The following ITGA9 variants were observed in gnomAD, a reference collection of about 807,000 sequenced individuals.
The protein encoded by ITGA9 is integrin subunit alpha 9.
In ITGA9, 56 loss-of-function variants were observed where a neutral mutation model predicts 127.8. The ratio of observed to expected loss-of-function variants is 0.44; its 90% CI spans 0.35 to 0.55. The LOEUF (loss-of-function observed/expected upper bound fraction) is 0.55, where lower values mean the gene tolerates loss of function less well. Ranked by LOEUF, ITGA9 falls within the 20% of genes least tolerant of loss-of-function variation. ITGA9 has a pLI of 0.00. For synonymous variants in ITGA9, 508 were observed against 514.5 expected, an observed-to-expected ratio of 0.99 and a Z score of 0.17; for missense variants, 1,196 against 1,347.1, an observed-to-expected ratio of 0.89 and a Z score of 1.76.
chr3:37,781,019 T>G (rs1696970369), intron 25 of ITGA9, among the ~76,000 whole-genome samples: 1 of 152,256 alleles, frequency 6.6e-6, no homozygotes, highest in African/African-American at 2.4e-5. Flanking sequence ...TTCTTAGAAA[T>G]GCAGAATCCT....
At chr3:37,641,764 C>T (rs145372460) in intron 16 of ITGA9, among the ~76,000 whole-genome samples, 28 of 152,302 alleles carry the variant, frequency 1.8e-4, no homozygotes, top group Non-Finnish European at 3.7e-4. Flanking sequence ...ATTCCCACCA[C>T]CCTCAAACTT....
At chr3:37,544,812 C>G (rs1699309571) in intron 15 of ITGA9, among the ~76,000 whole-genome samples, 2 of 152,322 alleles carry the variant, frequency 1.3e-5, no homozygotes, top group South Asian at 2.1e-4. Context: ...ACACATGTCT[C>G]TGAGACCTTT....
chr3:37,661,323 C>G (rs965849779), intron 17 of ITGA9, among the ~76,000 whole-genome samples: 8 of 152,210 alleles, frequency 5.3e-5, no homozygotes, highest in African/African-American at 1.9e-4. Context: ...CTCTCAGCCT[C>G]TTAGGTTGGG....
chr3:37,730,357 T>G (rs1040088930), intron 18 of ITGA9, among the ~76,000 whole-genome samples: 10 of 152,204 alleles, frequency 6.6e-5, no homozygotes, highest in African/African-American at 2.4e-4. Context: ...GGGACAGTTG[T>G]GGGTGTTGCT....
intron 18 of ITGA9, among the ~76,000 whole-genome samples, chr3:37,718,970 T>C (rs867673887): frequency 6.6e-6 from 1 of 152,218 alleles, no homozygotes; most frequent in African/African-American, 2.4e-5. Context: ...GTGTGGCATC[T>C]CTGGCTCCCA....
intron 15 of ITGA9, among the ~76,000 whole-genome samples, chr3:37,605,454 T>G (rs1892808): frequency 0.53 from 80,094 of 151,920 alleles, 21,721 homozygotes; most frequent in East Asian, 0.61. Context: ...GAGTCTGAGG[T>G]GCAAGAAATG....
chr3:37,566,958 C>T (rs116482211), intron 15 of ITGA9, among the ~76,000 whole-genome samples: 182 of 152,210 alleles, frequency 1.2e-3, no homozygotes, highest in African/African-American at 4.1e-3. Context: ...GATGTAGTTG[C>T]CAAAATGCTC....
intron 15 of ITGA9, among the ~76,000 whole-genome samples, chr3:37,551,644 T>C (rs114880727): frequency 1.6e-3 from 237 of 152,308 alleles, no homozygotes; most frequent in Middle Eastern, 6.8e-3. Context: ...CTAAGGTCAT[T>C]TGGAGAATTC....
intron 23 of ITGA9, among the ~76,000 whole-genome samples, chr3:37,771,883 G>C (rs1032290884): frequency 6.6e-6 from 1 of 151,780 alleles, no homozygotes; most frequent in African/African-American, 2.4e-5. Flanking sequence ...TTCTTCCTCT[G>C]ACCACAGTAA....
chr3:37,479,581 C>G (rs185460890), intron 3 of ITGA9, among the ~76,000 whole-genome samples: 1 of 152,184 alleles, frequency 6.6e-6, no homozygotes, highest in Admixed American at 6.5e-5. Context: ...CTCACTCACT[C>G]GGTGACGTGG....
At chr3:37,459,114 G>A (rs1258305905) in intron 1 of ITGA9, among the ~76,000 whole-genome samples, 1 of 152,238 alleles carries the variant, frequency 6.6e-6, no homozygotes, top group Non-Finnish European at 1.5e-5. Flanking sequence ...AAGGACTTCT[G>A]TGTTGAGTTT....
chr3:37,803,310 G>A (rs1050699301), intron 26 of ITGA9, among the ~76,000 whole-genome samples: 1 of 152,112 alleles, frequency 6.6e-6, no homozygotes, highest in African/African-American at 2.4e-5. Context: ...CAAGACCTAG[G>A]GCTTGGATTT....
intron 16 of ITGA9, among the ~76,000 whole-genome samples, chr3:37,640,058 C>G (rs1262638037): frequency 3.3e-5 from 5 of 152,240 alleles, no homozygotes; most frequent in African/African-American, 1.2e-4. Flanking sequence ...GACCTGGCTA[C>G]AGCAGGGCTT....
chr3:37,475,669 G>A (rs541266428), intron 3 of ITGA9, among the ~76,000 whole-genome samples: 3 of 152,344 alleles, frequency 2.0e-5, no homozygotes, highest in Admixed American at 2.0e-4. Flanking sequence ...GCTGGGCAAA[G>A]AGGAGCATCT....
intron 18 of ITGA9, among the ~76,000 whole-genome samples, chr3:37,692,227 G>C (rs750983770): frequency 2.0e-5 from 3 of 152,178 alleles, no homozygotes; most frequent in Admixed American, 6.5e-5. Flanking sequence ...ATACTTTATA[G>C]CTCATTCATT....
intron 26 of ITGA9, 26 bp downstream of exon 26, chr3:37,785,104 C>T (rs760348113): frequency 7.9e-6 from 12 of 1,512,140 alleles, no homozygotes; most frequent in South Asian, 1.1e-5. Context: ...CAGGACAGCC[C>T]TCCTCAGAGG....
intron 17 of ITGA9, among the ~76,000 whole-genome samples, chr3:37,662,928 T>C (rs1229333379): frequency 1.3e-5 from 2 of 152,202 alleles, no homozygotes; most frequent in African/African-American, 4.8e-5. Flanking sequence ...GGAGTGATTG[T>C]GTCACCCAGA....
At chr3:37,585,108 C>T (rs1699745599) in intron 15 of ITGA9, among the ~76,000 whole-genome samples, 1 of 152,186 alleles carries the variant, frequency 6.6e-6, no homozygotes, top group Admixed American at 6.5e-5. Context: ...CACTCCCCAC[C>T]TTGCTCCTTC....
At chr3:37,777,333 C>T (rs1696920413) in intron 23 of ITGA9, 59 bp from the exon 24 acceptor site, 3 of 1,601,248 alleles carry the variant, frequency 1.9e-6, no homozygotes, top group African/African-American at 2.7e-5. Context: ...ATAAGAGGCT[C>T]CAGCATCATG....
Sources: allele counts gnomAD v4.1 joint callset (sites outside exome capture counted in the v4.1 genomes callset), GRCh38; gene constraint gnomAD v4.1.1; transcripts MANE v1.5; gene names NCBI Gene and HGNC (gene_info 2026-07-23, HGNC 2026-07-21).